The following MAPK10 variants were observed in gnomAD, a reference collection of about 807,000 sequenced individuals.
The protein encoded by MAPK10 is mitogen-activated protein kinase 10.
Under a neutral mutation model 59.3 loss-of-function variants are expected in MAPK10, and 25 were observed. The observed-to-expected ratio is 0.42, with a 90% CI of 0.31 to 0.59. The LOEUF (loss-of-function observed/expected upper bound fraction) is 0.59, where lower values mean the gene tolerates loss of function less well. MAPK10 is among the 20% of genes least tolerant of loss of function. The pLI, the probability that MAPK10 is intolerant of heterozygous loss-of-function variation, is 0.15. For synonymous variants in MAPK10, 190 were observed against 200.5 expected, an observed-to-expected ratio of 0.95 and a Z score of 0.44; for missense variants, 351 against 568.9, an observed-to-expected ratio of 0.62 and a Z score of 3.90.
In MAPK10 at chr4:86,342,384, C is replaced by T. The variant is rs558735531; in HGVS notation, c.-7+12146G>A. On this transcript the variant is annotated intron_variant, in intron 2 of 13. Coordinates refer to ENST00000641462, the MANE Select transcript of MAPK10 (RefSeq NM_138982.4). ...ACTGAGAACAAGTTTGCTGTGTAGG[C>T]GTTTCGTGGTAATCACTTTACTATT... Among the ~76,000 whole-genome samples, 17 of 152,112 alleles carry T rather than the reference C, an allele frequency of 1.1e-4. No individual in the cohort carries two copies. The East Asian group carries it at 2.1e-3, about 19-fold the overall frequency.
chr4:86,471,275 C>CA (rs60423060), intron 1 of MAPK10, among the ~76,000 whole-genome samples: 8,320 of 96,466 alleles, frequency 0.086, 485 homozygotes, highest in African/African-American at 0.17. Context: ...TGCCCCCCTG[C>CA]AAAAAAAAAA....
chr4:86,122,569 C>G (rs1465300327), intron 4 of MAPK10, among the ~76,000 whole-genome samples: 1 of 152,124 alleles, frequency 6.6e-6, no homozygotes, highest in African/African-American at 2.4e-5. Flanking sequence ...GCTCTGCTCT[C>G]TTTCATCTGC....
chr4:86,121,434 A>G (rs1237473837), intron 4 of MAPK10, among the ~76,000 whole-genome samples: 1 of 152,170 alleles, frequency 6.6e-6, no homozygotes, highest in Non-Finnish European at 1.5e-5. Context: ...ACTTTCTAAC[A>G]ATATCACATT....
At chr4:86,413,152 A>T (rs552182700) in intron 1 of MAPK10, among the ~76,000 whole-genome samples, 1 of 152,286 alleles carries the variant, frequency 6.6e-6, no homozygotes, top group African/African-American at 2.4e-5. Flanking sequence ...TCCTTCTAAC[A>T]GTCAGGCCCC....
intron 2 of MAPK10, among the ~76,000 whole-genome samples, chr4:86,242,961 T>C (rs1488837192): frequency 6.6e-6 from 1 of 152,108 alleles, no homozygotes; most frequent in African/African-American, 2.4e-5. Context: ...GGTTTGCGAG[T>C]GGGATCTTCC....
At chr4:86,054,580 A>C (rs1022271141) in intron 11 of MAPK10, among the ~76,000 whole-genome samples, 31 of 152,208 alleles carry the variant, frequency 2.0e-4, no homozygotes, top group African/African-American at 7.0e-4. Context: ...TCCCCAAGCA[A>C]ATGAAAACCA....
intron 3 of MAPK10, among the ~76,000 whole-genome samples, chr4:86,167,093 A>G (rs1004829805): frequency 2.6e-5 from 4 of 152,184 alleles, no homozygotes; most frequent in African/African-American, 9.7e-5. Flanking sequence ...TATTATAAAC[A>G]CCTCTAGACA....
At chr4:86,397,864 C>CAAAAAAAAAA (rs759585442) in intron 1 of MAPK10, among the ~76,000 whole-genome samples, 1 of 51,756 alleles carries the variant, frequency 1.9e-5, no homozygotes, top group African/African-American at 6.1e-5. Context: ...TCTGCTATGG[C>CAAAAAAAAAA]AAAAAAAAAA....
intron 1 of MAPK10, among the ~76,000 whole-genome samples, chr4:86,543,193 G>C (rs1758863605): frequency 6.6e-6 from 1 of 152,094 alleles, no homozygotes; most frequent in Non-Finnish European, 1.5e-5. Context: ...CAAAGAAGTA[G>C]GTGCATTGAG....
intron 2 of MAPK10, among the ~76,000 whole-genome samples, chr4:86,266,871 T>C (rs2094259922): frequency 2.0e-5 from 3 of 152,020 alleles, no homozygotes; most frequent in African/African-American, 4.8e-5. Flanking sequence ...TATAATATTA[T>C]ATAATATTTT....
At chr4:86,551,376 C>G (rs1759760345) in intron 1 of MAPK10, among the ~76,000 whole-genome samples, 1 of 152,090 alleles carries the variant, frequency 6.6e-6, no homozygotes, top group Non-Finnish European at 1.5e-5. Flanking sequence ...TAGGAACTGC[C>G]TTTACTCAAT....
chr4:86,575,481 A>C (rs918052888), intron 1 of MAPK10, among the ~76,000 whole-genome samples: 7 of 152,156 alleles, frequency 4.6e-5, no homozygotes, highest in Non-Finnish European at 8.8e-5. Context: ...GAAAATAAAT[A>C]TCTTTCATTA....
intron 4 of MAPK10, among the ~76,000 whole-genome samples, chr4:86,146,874 T>C (rs925513345): frequency 2.6e-5 from 4 of 152,162 alleles, no homozygotes; most frequent in South Asian, 2.1e-4. Context: ...AGAAAAGTGA[T>C]GGCATTTATG....
At chr4:86,469,620 A>G (rs745358699) in intron 1 of MAPK10, among the ~76,000 whole-genome samples, 1 of 152,204 alleles carries the variant, frequency 6.6e-6, no homozygotes, top group Non-Finnish European at 1.5e-5. Context: ...GATAGTAAAT[A>G]CCTCCTACTA....
At chr4:86,459,571 A>C (rs1009592468) in intron 1 of MAPK10, among the ~76,000 whole-genome samples, 7 of 152,262 alleles carry the variant, frequency 4.6e-5, no homozygotes, top group Non-Finnish European at 1.0e-4. Context: ...AGATGATGGA[A>C]TACTACTCAG....
In MAPK10 at chr4:86,114,850, A is replaced by C. The variant is rs561536162; in HGVS notation, c.237-7498T>G. On this transcript the variant is annotated intron_variant, in intron 4 of 13. Coordinates refer to ENST00000641462, the MANE Select transcript of MAPK10 (RefSeq NM_138982.4). The stretch of plus-strand genomic sequence containing the variant: ...CCCAGGGATATCAGAGTTCTGTCTG[A>C]AAACCCCTGGCTGGAGATGCTACAA... 4.6e-5 allele frequency among the ~76,000 whole-genome samples: 7 copies of C among 152,336 alleles called. No individual in the cohort carries two copies. The South Asian group carries it at 1.4e-3, about 32-fold the overall frequency.
chr4:86,087,972 C>A (rs1294888399), intron 9 of MAPK10, among the ~76,000 whole-genome samples: 1 of 151,822 alleles, frequency 6.6e-6, no homozygotes, highest in Non-Finnish European at 1.5e-5. Context: ...ACATTAAAAC[C>A]CCATTATTAT....
chr4:86,511,258 T>C (rs1756212548), intron 1 of MAPK10, among the ~76,000 whole-genome samples: 1 of 150,748 alleles, frequency 6.6e-6, no homozygotes, highest in Admixed American at 6.6e-5. Flanking sequence ...CCAAGGTGAG[T>C]GGATTACATG....
chr4:86,116,183 C>T (rs2058267320), intron 4 of MAPK10, among the ~76,000 whole-genome samples: 1 of 152,118 alleles, frequency 6.6e-6, no homozygotes, highest in African/African-American at 2.4e-5. Flanking sequence ...GTTGGAGAGG[C>T]AAACTCTGGC....
Sources: allele counts gnomAD v4.1 joint callset (sites outside exome capture counted in the v4.1 genomes callset), GRCh38; gene constraint gnomAD v4.1.1; transcripts MANE v1.5; gene names NCBI Gene and HGNC (gene_info 2026-07-23, HGNC 2026-07-21).